Variants in SLITRK3 observed in about 807,000 individuals in gnomAD.
SLITRK3 encodes SLIT and NTRK like family member 3.
In SLITRK3, 16 loss-of-function variants were observed where a neutral mutation model predicts 63.6. That is an observed-to-expected ratio of 0.25 (90% CI 0.17 to 0.38). The LOEUF (loss-of-function observed/expected upper bound fraction) is 0.38, where lower values mean the gene tolerates loss of function less well. SLITRK3 is among the 10% of genes least tolerant of loss of function. The probability of loss-of-function intolerance (pLI) is 1.00; values close to 1 mark genes in which losing one functional copy is unlikely to be tolerated. For missense variants in SLITRK3, 1,117 were observed against 1,181.4 expected (o/e 0.95, Z 0.80); for synonymous variants, 547 against 451.6 (o/e 1.21, Z -2.68).
rs749950170 is a variant in SLITRK3, at chr3:165,187,916, T to C, written c.2915A>G (p.Lys972Arg). 1 of 1,612,740 alleles carries C rather than the reference T, an allele frequency of 6.2e-7. No individual in the cohort carries two copies. The highest frequency in any genetic ancestry group is 1.7e-5 in the Admixed American group (1 of 59,634). Reference protein sequence around the residue: ...TKPDYLEVLEKTTYRF With the variant: ...TKPDYLEVLERTTYRF ...TCTCTGTTAGAACCTGTATGTTGTC[T>C]TCTCCAGGACTTCGAGGTAATCCGG... The change falls in exon 2 of 2, where the codon AAG becomes AGG. Residue 972 changes from lysine (K) to arginine (R), a missense_variant. Lys to Arg is a conservative substitution (Grantham distance 26). Around this residue, in one of 4 missense-constraint regions of SLITRK3, gnomAD observed 499 missense variants for 463.6 expected, o/e 1.08. Transcript: ENST00000475390.
intron 1 of SLITRK3, among the ~76,000 whole-genome samples, chr3:165,193,050 C>A (rs1394421183): frequency 1.3e-5 from 2 of 151,974 alleles, no homozygotes; most frequent in African/African-American, 4.8e-5. Flanking sequence ...AAAGGGAACG[C>A]GCTTAGCATG....
rs778755310 is a variant in SLITRK3, at chr3:165,189,408, T to C, written c.1423A>G (p.Met475Val). ...GNDIEKLTPG[M>V]FRGLQSLHYL... ...TGCAAACTCTGTAGGCCTCGGAACA[T>C]GCCTGGTGTCAGCTTCTCTATATCG... The change falls in exon 2 of 2, where the codon ATG (methionine) becomes GTG (valine). Residue 475 changes from methionine (M) to valine (V), a missense_variant. Physicochemically the swap from Met to Val is conservative, Grantham distance 21 (BLOSUM62 1). Around this residue, in one of 4 missense-constraint regions of SLITRK3, gnomAD observed 158 missense variants for 197.2 expected, o/e 0.80. Coordinates refer to ENST00000475390, the MANE Select transcript of SLITRK3 (RefSeq NM_001318810.2). This position sits in a 1 kb window ranked among gnomAD's most constrained non-coding sequence, Gnocchi z 4.0. The C allele has an allele frequency of 6.2e-7, 1 of 1,613,632 alleles. No homozygotes were observed. Among genetic ancestry groups the C allele is most frequent in the Non-Finnish European group, 8.5e-7 (1 of 1,180,024 alleles).
rs753722461 is a variant in SLITRK3, at chr3:165,190,844, T to C, written c.-14A>G. On this transcript the variant is annotated 5_prime_UTR_variant, in exon 2 of 2. Coordinates refer to ENST00000475390, the MANE Select transcript of SLITRK3 (RefSeq NM_001318810.2). Reference sequence around the variant, plus strand: ...GGAAGGTTTCATCGTTCGTGGTTGATTACAAAACTGCAACAGAAATAAAAA... The same window carrying C: ...GGAAGGTTTCATCGTTCGTGGTTGACTACAAAACTGCAACAGAAATAAAAA... The C allele has an allele frequency of 5.8e-6, 9 of 1,546,980 alleles. No individual in the cohort carries two copies.
Position 165,188,282 on chromosome 3 carries a change from A to G in SLITRK3, c.2549T>C (p.Val850Ala), listed in dbSNP as rs760161654. 2.5e-6 allele frequency: 4 copies of G among 1,613,402 alleles called. No individual in the cohort carries two copies. Among genetic ancestry groups the G allele is most frequent in the Non-Finnish European group, 3.4e-6 (4 of 1,179,842 alleles). ...TGCCAAGTCTCCCCCAGTTCCCCCA[A>G]CTACTCCTGAAACCCCACCAACTGC... is the stretch of plus-strand genomic sequence containing the variant. ...HPAVGGVSGV[V>A]GGTGGDLAGF... is the part of the protein sequence containing the mutation. The change falls in exon 2 of 2, where the codon GTT becomes GCT. Residue 850 changes from valine to alanine, a missense_variant. Coordinates refer to ENST00000475390, the MANE Select transcript of SLITRK3 (RefSeq NM_001318810.2).
chr3:165,187,855 C>T lies in SLITRK3; in HGVS notation c.*42G>A. On this transcript the variant is annotated 3_prime_UTR_variant, in exon 2 of 2. Transcript: ENST00000475390. The stretch of plus-strand genomic sequence containing the variant: ...GATATATTTCTTTTATTTTCCTTTT[C>T]TTTTGAAAAAAAAAAAGCACTAATA... The T allele has an allele frequency of 2.0e-6, 3 of 1,476,474 alleles. No homozygotes were observed. Among genetic ancestry groups the T allele is most frequent in the Non-Finnish European group, 2.7e-6 (3 of 1,092,700 alleles). 91.5% of individuals were successfully genotyped at this position (1,476,474 alleles called of 1,614,324 possible).
intron 1 of SLITRK3, among the ~76,000 whole-genome samples, chr3:165,192,231 A>G (rs1718256263): frequency 6.6e-6 from 1 of 152,198 alleles, no homozygotes; most frequent in African/African-American, 2.4e-5. Flanking sequence ...ACACTCGCCT[A>G]TAATGTTCAC....
rs1247140516 is a variant in SLITRK3 at position 165,187,788 on chromosome 3, C to T, written c.*109G>A. 6 of 884,750 alleles carry T rather than the reference C, an allele frequency of 6.8e-6. No homozygotes were observed. The highest frequency in any genetic ancestry group is 5.3e-5 in the Admixed American group (2 of 37,862). 54.8% of individuals were successfully genotyped at this position (884,750 alleles called of 1,614,324 possible). ...TAGTTTTGTTCAGGGTAGGAAAGAT[C>T]GTGAGGATGGAGTTACTGGGACAAG... On this transcript the variant is annotated 3_prime_UTR_variant, in exon 2 of 2. Coordinates refer to ENST00000475390, the MANE Select transcript of SLITRK3 (RefSeq NM_001318810.2).
chr3:165,192,526 GT>G (rs962601239), intron 1 of SLITRK3, among the ~76,000 whole-genome samples: 2 of 150,498 alleles, frequency 1.3e-5, no homozygotes, highest in Admixed American at 6.6e-5. Flanking sequence ...TGGGTTTCGG[GT>G]TTTTTTGTAA....
At chr3:165,194,228 G>A (rs1274246278) in intron 1 of SLITRK3, among the ~76,000 whole-genome samples, 7 of 152,194 alleles carry the variant, frequency 4.6e-5, no homozygotes, top group African/African-American at 1.7e-4. Context: ...CTCAAAGTTA[G>A]TAGGTAGAGA....
intron 1 of SLITRK3, among the ~76,000 whole-genome samples, chr3:165,191,635 C>T (rs1057141545): frequency 1.3e-5 from 2 of 152,096 alleles, no homozygotes; most frequent in East Asian, 1.9e-4. Flanking sequence ...AAAACATGCC[C>T]GTGCAATTGT....
chr3:165,194,554 C>G (rs901460468), intron 1 of SLITRK3, among the ~76,000 whole-genome samples: 5 of 152,110 alleles, frequency 3.3e-5, no homozygotes, highest in Non-Finnish European at 7.4e-5. Flanking sequence ...AAACCAATAC[C>G]GATAGCCTAA....
In SLITRK3 at chr3:165,188,272, A is replaced by T; in HGVS notation, c.2559T>A (p.Thr853=). The change falls in exon 2 of 2, where the codon ACT becomes ACA. Residue 853 remains threonine (T), a synonymous_variant. Coordinates refer to ENST00000475390, the MANE Select transcript of SLITRK3 (RefSeq NM_001318810.2). The part of the protein sequence containing the change: ...VGGVSGVVGG[T]GGDLAGFRHH... ...GGCGGAACCCTGCCAAGTCTCCCCCAGTTCCCCCAACTACTCCTGAAACCC... is the reference window on the plus strand; with the variant it reads ...GGCGGAACCCTGCCAAGTCTCCCCCTGTTCCCCCAACTACTCCTGAAACCC... 3.7e-6 allele frequency: 6 copies of T among 1,613,552 alleles called. No homozygotes were observed. Among genetic ancestry groups the T allele is most frequent in the Non-Finnish European group, 5.1e-6 (6 of 1,179,812 alleles).
chr3:165,190,976 A>G, intron 1 of SLITRK3, 125 bp from the exon 2 acceptor site: 1 of 632,026 alleles, frequency 1.6e-6, no homozygotes, highest in Non-Finnish European at 2.7e-6. Flanking sequence ...GTGACACTCA[A>G]GATGAGCTAG....
At chr3:165,195,018 C>G (rs138745386) in intron 1 of SLITRK3, among the ~76,000 whole-genome samples, 5 of 152,066 alleles carry the variant, frequency 3.3e-5, no homozygotes, top group African/African-American at 1.2e-4. Flanking sequence ...TGCTGTGCCC[C>G]CTTCCCACTT....
chr3:165,187,651 A>G lies in SLITRK3; in HGVS notation c.*246T>C, dbSNP rs1161034705. On this transcript the variant is annotated 3_prime_UTR_variant, in exon 2 of 2. Transcript: ENST00000475390. ...AAAAATAATGATAACATTTGCTGGC[A>G]AAAGTCTGCGAAGGCACTTTCATTG... 2.6e-6 allele frequency: 1 copy of G among 383,826 alleles called. No individual in the cohort carries two copies. The highest frequency in any genetic ancestry group is 4.7e-6 in the Non-Finnish European group (1 of 214,794). 23.8% of individuals were successfully genotyped at this position (383,826 alleles called of 1,614,324 possible).
chr3:165,190,666 G>C lies in SLITRK3; in HGVS notation c.165C>G (p.Ser55Arg). ...TACTGTCACAATGTATATGAAAGAG[G>C]CTTTCTTTAACTTCACAGTAGCATG... Reference protein sequence around the residue: ...FDPCYCEVKESLFHIHCDSKG... With the variant: ...FDPCYCEVKERLFHIHCDSKG... The change falls in exon 2 of 2, where the codon AGC (serine) becomes AGG (arginine). Residue 55 changes from serine to arginine, a missense_variant. Around this residue, in one of 4 missense-constraint regions of SLITRK3, gnomAD observed 452 missense variants for 495.3 expected, o/e 0.91. Coordinates refer to ENST00000475390, the MANE Select transcript of SLITRK3 (RefSeq NM_001318810.2). The C allele has an allele frequency of 1.9e-6, 3 of 1,614,022 alleles. No homozygotes were observed. Among genetic ancestry groups the C allele is most frequent in the Non-Finnish European group, 2.5e-6 (3 of 1,179,960 alleles).
Position 165,189,414 on chromosome 3 carries a change from G to A in SLITRK3, c.1417C>T (p.Pro473Ser). ...LNGNDIEKLT[P>S]GMFRGLQSLH... ...CTCTGTAGGCCTCGGAACATGCCTG[G>A]TGTCAGCTTCTCTATATCGTTGCCA... The change falls in exon 2 of 2, where the codon CCA (proline) becomes TCA (serine). Residue 473 changes from proline (P) to serine (S), a missense_variant. Pro to Ser is a moderately conservative substitution (Grantham distance 74). Around this residue, in one of 4 missense-constraint regions of SLITRK3, gnomAD observed 158 missense variants for 197.2 expected, o/e 0.80. Coordinates refer to ENST00000475390, the MANE Select transcript of SLITRK3 (RefSeq NM_001318810.2). This position sits in a 1 kb window ranked among gnomAD's most constrained non-coding sequence, Gnocchi z 4.0. 1 of 1,613,422 alleles carries A rather than the reference G, an allele frequency of 6.2e-7. No individual in the cohort carries two copies.
At chr3:165,194,444 C>T (rs775626418) in intron 1 of SLITRK3, among the ~76,000 whole-genome samples, 12 of 152,128 alleles carry the variant, frequency 7.9e-5, no homozygotes, top group Non-Finnish European at 1.5e-4. Context: ...TAGAAACATG[C>T]CACCATACAC....
rs745899275 is a variant in SLITRK3 at position 165,189,152 on chromosome 3, T to C, written c.1679A>G (p.Asn560Ser). 1.1e-5 allele frequency: 17 copies of C among 1,614,178 alleles called. No individual in the cohort carries two copies. The highest frequency in any genetic ancestry group is 2.2e-5 in the East Asian group (1 of 44,874). Reference protein sequence around the residue: ...HLNAIVQIDLNENPWDCTCDL... With the variant: ...HLNAIVQIDLSENPWDCTCDL... ...ACAGGTGCAGTCCCAAGGATTCTCATTGAGGTCTATCTGGACAATGGCATT... is the reference window on the plus strand; with the variant it reads ...ACAGGTGCAGTCCCAAGGATTCTCACTGAGGTCTATCTGGACAATGGCATT... The change falls in exon 2 of 2, where the codon AAT (asparagine) becomes AGT (serine). Residue 560 changes from asparagine to serine, a missense_variant. Physicochemically the swap from Asn to Ser is conservative, Grantham distance 46. Around this residue, in one of 4 missense-constraint regions of SLITRK3, gnomAD observed 158 missense variants for 197.2 expected, o/e 0.80. Transcript: ENST00000475390. The surrounding 1 kb of genome is among the most constrained non-coding windows in gnomAD (Gnocchi z 4.0).
Sources: allele counts gnomAD v4.1 joint callset (sites outside exome capture counted in the v4.1 genomes callset), GRCh38; gene constraint gnomAD v4.1.1; regional missense constraint gnomAD v4.1.1; non-coding constraint Gnocchi (gnomAD v3.1); transcripts MANE v1.5; gene names NCBI Gene and HGNC (gene_info 2026-07-23, HGNC 2026-07-21).